Variants in ABL2 observed in about 807,000 individuals in gnomAD.
The protein encoded by ABL2 is ABL proto-oncogene 2, non-receptor tyrosine kinase.
A neutral mutation model predicts 107.7 loss-of-function variants in ABL2; 49 were observed. The ratio of observed to expected loss-of-function variants is 0.45; its 90% CI spans 0.36 to 0.58. The LOEUF (loss-of-function observed/expected upper bound fraction) is 0.58. Among genes scored for constraint, ABL2 ranks in the 20% least tolerant of loss-of-function variants. The pLI is 0.00. For missense variants in ABL2, 1,245 were observed against 1,457.0 expected (o/e 0.85, Z 2.37); for synonymous variants, 549 against 548.6 (o/e 1.00, Z -0.01).
Position 179,108,942 on chromosome 1 carries a change from G to C in ABL2, c.2325C>G (p.Ser775=). 1 of 1,614,134 alleles carries C rather than the reference G, an allele frequency of 6.2e-7. No homozygotes were observed. The highest frequency in any genetic ancestry group is 8.5e-7 in the Non-Finnish European group (1 of 1,180,048). The change falls in exon 12 of 12, where the codon TCC becomes TCG. Residue 775 remains serine (S), a synonymous_variant. Transcript: ENST00000502732. ...TAGAGTTTGACCTTGGAAAAGGCTT[G>C]GAAGTGTCATCACTGGCTGTGGGTT... is the stretch of plus-strand genomic sequence containing the variant. The part of the protein sequence containing the change: ...AGKPTASDDT[S]KPFPRSNSTS...
chr1:179,144,236 T>C (rs1262804167), intron 1 of ABL2, among the ~76,000 whole-genome samples: 5 of 151,818 alleles, frequency 3.3e-5, no homozygotes, highest in Admixed American at 6.6e-5. Context: ...GGTGGGTGTA[T>C]CACAAGGTCA....
Position 179,190,724 on chromosome 1 carries a change from C to G in ABL2, c.157+38517G>C, listed in dbSNP as rs560160958. On this transcript the variant is annotated intron_variant, in intron 1 of 11. Coordinates refer to ENST00000502732, the MANE Select transcript of ABL2 (RefSeq NM_007314.4). ...GAAGCTATCTAGGGGTCCCCAGCCT[C>G]CAGTCACCTCATTAGCATACAAAAG... is the stretch of plus-strand genomic sequence containing the variant. Among the ~76,000 whole-genome samples the G allele has an allele frequency of 5.9e-5, 9 of 152,212 alleles. No individual in the cohort carries two copies. In the South Asian group the frequency reaches 1.9e-3, roughly 32 times the overall value.
At chr1:179,132,107 A>G (rs987948103) in intron 2 of ABL2, among the ~76,000 whole-genome samples, 1 of 152,252 alleles carries the variant, frequency 6.6e-6, no homozygotes, top group Non-Finnish European at 1.5e-5. Context: ...GTTTTAAAAA[A>G]ACAAAAGAAA....
intron 1 of ABL2, among the ~76,000 whole-genome samples, chr1:179,163,972 C>T (rs184333936): frequency 6.6e-6 from 1 of 152,236 alleles, no homozygotes; most frequent in African/African-American, 2.4e-5. Flanking sequence ...CTATATGATT[C>T]TAGCTCTATG....
At position 179,201,888 on chromosome 1, in the gene ABL2, A is replaced by G. The variant is rs554812718; in HGVS notation, c.157+27353T>C. Reference sequence around the variant, plus strand: ...CATCAAGACCCTCTACAACACCTCCATTGAGGAAATGCCCCTCAATGTTGC... The same window carrying G: ...CATCAAGACCCTCTACAACACCTCCGTTGAGGAAATGCCCCTCAATGTTGC... On this transcript the variant is annotated intron_variant, in intron 1 of 11. Transcript: ENST00000502732. 18 of 1,320,648 alleles carry G rather than the reference A, an allele frequency of 1.4e-5. No homozygotes were observed. In the Admixed American group the frequency reaches 4.5e-4, roughly 33 times the overall value. The allele number at this position is 1,320,648 out of a possible 1,614,324, so 81.8% of individuals were successfully genotyped here.
At chr1:179,127,568 T>C (rs1050494787) in intron 3 of ABL2, among the ~76,000 whole-genome samples, 9 of 152,194 alleles carry the variant, frequency 5.9e-5, no homozygotes, top group African/African-American at 1.7e-4. Context: ...TTAGGTTTCT[T>C]TGACAAAACA....
chr1:179,113,928 C>T (rs969541234), intron 9 of ABL2, among the ~76,000 whole-genome samples: 1 of 124,236 alleles, frequency 8.0e-6, no homozygotes, highest in Non-Finnish European at 1.8e-5. Flanking sequence ...AGCGAGACTC[C>T]GTCTCAAAAA....
At chr1:179,191,051 T>C (rs905762533) in intron 1 of ABL2, among the ~76,000 whole-genome samples, 1 of 152,102 alleles carries the variant, frequency 6.6e-6, no homozygotes, top group East Asian at 1.9e-4. Flanking sequence ...CCTATTTAGA[T>C]AGGAAGCCAC....
chr1:179,110,652 G>C (rs1436275968), intron 10 of ABL2, 197 bp from the exon 11 acceptor site: 2 of 1,539,698 alleles, frequency 1.3e-6, no homozygotes, highest in African/African-American at 2.7e-5. Context: ...CCACGCTGCT[G>C]CATGTGGCAG....
In ABL2 at chr1:179,176,702, C is replaced by CTTTTTTTTTT. The variant is rs35138436; in HGVS notation, c.158-43338_158-43329dup. On this transcript the variant is annotated intron_variant, in intron 1 of 11. Transcript: ENST00000502732. ...TTTGTTTTTAGTGTTGTTACATATT[C>CTTTTTTTTTT]TTTTTTTTTTCCAGACAGATTCTCA... Among the ~76,000 whole-genome samples, 23 of 107,312 alleles carry CTTTTTTTTTT rather than the reference C, an allele frequency of 2.1e-4. 5 individuals are homozygous for CTTTTTTTTTT. The highest frequency in any genetic ancestry group is 2.8e-4 in the African/African-American group (8 of 28,516). 70.4% of individuals were successfully genotyped at this position (107,312 alleles called of 152,430 possible). A position where few individuals can be genotyped will look rare whatever the true frequency, so the allele number is the denominator to read the frequency against.
At chr1:179,161,418 G>C (rs898595602) in intron 1 of ABL2, among the ~76,000 whole-genome samples, 1 of 151,878 alleles carries the variant, frequency 6.6e-6, no homozygotes, top group Non-Finnish European at 1.5e-5. Context: ...GAATATGTTT[G>C]ATAAATAATG....
intron 1 of ABL2, among the ~76,000 whole-genome samples, chr1:179,202,731 T>C (rs1366707051): frequency 6.6e-6 from 1 of 152,008 alleles, no homozygotes. Context: ...CTCAACAGAA[T>C]GAAGAATACA....
At chr1:179,229,170 G>GCCCCCCCCC in intron 1 of ABL2, 71 bp downstream of exon 1, 1 of 266,256 alleles carries the variant, frequency 3.8e-6, no homozygotes, top group Non-Finnish European at 6.8e-6. Flanking sequence ...CAGCCCGTCC[G>GCCCCCCCCC]CCACCCACCC....
At chr1:179,165,799 ATT>A (rs34798552) in intron 1 of ABL2, among the ~76,000 whole-genome samples, 24 of 146,588 alleles carry the variant, frequency 1.6e-4, no homozygotes, top group Admixed American at 2.7e-4. Context: ...ACAAGACTTT[ATT>A]TTTTTTTTTT....
Position 179,108,317 on chromosome 1 carries a change from G to A in ABL2, c.2950C>T (p.Pro984Ser), listed in dbSNP as rs1434213206. 6 of 1,614,072 alleles carry A rather than the reference G, an allele frequency of 3.7e-6. No individual in the cohort carries two copies. The African/African-American group carries it at 4.0e-5, about 11-fold the overall frequency. The change falls in exon 12 of 12, where the codon CCA becomes TCA. Residue 984 changes from proline to serine, a missense_variant. Physicochemically the swap from Pro to Ser is moderately conservative, Grantham distance 74. This residue lies in a region of ABL2 where 761 missense variants were observed against 766.4 expected (regional missense o/e 0.99). Transcript: ENST00000502732. ...AGTCTCATCACTGGTGGTGGGGGTG[G>A]GGCACACTTTGGTTTTACCCGTCGG... ...RPRRVKPKCAPPPPPVMRLLQ... is the reference protein window; with the variant it reads ...RPRRVKPKCASPPPPVMRLLQ...
At chr1:179,205,368 A>G (rs1473105766) in intron 1 of ABL2, among the ~76,000 whole-genome samples, 2 of 152,210 alleles carry the variant, frequency 1.3e-5, no homozygotes, top group Admixed American at 1.3e-4. Context: ...CCTCCCAGGC[A>G]CATAACAAAA....
At chr1:179,138,165 C>T (rs557051116) in intron 1 of ABL2, among the ~76,000 whole-genome samples, 29 of 152,316 alleles carry the variant, frequency 1.9e-4, no homozygotes, top group Admixed American at 1.9e-3. Flanking sequence ...ATGCTGATAA[C>T]TCAGTTACTT....
chr1:179,158,528 C>A (rs184993428), intron 1 of ABL2, among the ~76,000 whole-genome samples: 54 of 152,306 alleles, frequency 3.5e-4, no homozygotes, highest in Admixed American at 1.6e-3. Context: ...GGGACCCCCA[C>A]AACCACCTGA....
In ABL2 at chr1:179,189,059, C is replaced by T. The variant is rs561685891; in HGVS notation, c.157+40182G>A. 2.6e-5 allele frequency among the ~76,000 whole-genome samples: 4 copies of T among 152,200 alleles called. No individual in the cohort carries two copies. The South Asian group carries it at 6.2e-4, about 24-fold the overall frequency. Reference sequence around the variant, plus strand: ...ATTACATTAACTTTCCAGTTTAATTCTGCATTCTCATGATGTGGAACACTA... The same window carrying T: ...ATTACATTAACTTTCCAGTTTAATTTTGCATTCTCATGATGTGGAACACTA... On this transcript the variant is annotated intron_variant, in intron 1 of 11. Transcript: ENST00000502732.
Sources: allele counts gnomAD v4.1 joint callset (sites outside exome capture counted in the v4.1 genomes callset), GRCh38; gene constraint gnomAD v4.1.1; regional missense constraint gnomAD v4.1.1; transcripts MANE v1.5; gene names NCBI Gene and HGNC (gene_info 2026-07-23, HGNC 2026-07-21).